Variants in LARS1 observed in about 807,000 individuals in gnomAD.
LARS1 encodes leucine--tRNA ligase, cytoplasmic.
In LARS1, 100 loss-of-function variants were observed where a neutral mutation model predicts 162.8. That is an observed-to-expected ratio of 0.61 (90% confidence interval 0.52 to 0.73). The LOEUF (loss-of-function observed/expected upper bound fraction) is 0.73, where lower values mean the gene tolerates loss of function less well. LARS1 is among the 30% of genes least tolerant of loss of function. The pLI is 0.00. For synonymous variants in LARS1, 457 were observed against 462.8 expected, an observed-to-expected ratio of 0.99 and a Z score of 0.16; for missense variants, 1,258 against 1,408.9, an observed-to-expected ratio of 0.89 and a Z score of 1.71.
In LARS1 at chr5:146,130,035, A is replaced by G. The variant is rs1310104386; in HGVS notation, c.2611T>C (p.Trp871Arg). Residue 871 changes from tryptophan to arginine, a missense_variant, in exon 25 of 32, where the codon TGG becomes CGG. Trp to Arg is a moderately radical substitution (Grantham distance 101). Transcript: ENST00000394434. Reference sequence around the variant, plus strand: ...GAAGGTACCTTTCCCAGGAGTGTCCAGATGTGCTCACACAAATGTGGACAG... The same window carrying G: ...GAAGGTACCTTTCCCAGGAGTGTCCGGATGTGCTCACACAAATGTGGACAG... ...PFCPHLCEHIWTLLGKPDSIM... is the reference protein window; with the variant it reads ...PFCPHLCEHIRTLLGKPDSIM... The G allele has an allele frequency of 6.2e-7, 1 of 1,612,910 alleles. No homozygotes were observed. Among genetic ancestry groups the G allele is most frequent in the Non-Finnish European group, 8.5e-7 (1 of 1,179,646 alleles).
intron 20 of LARS1, among the ~76,000 whole-genome samples, chr5:146,141,200 T>C (rs1015273305): frequency 1.3e-5 from 2 of 152,228 alleles, no homozygotes; most frequent in Non-Finnish European, 2.9e-5. Context: ...TCTCTGGGTT[T>C]GCATACTTGT....
intron 10 of LARS1, among the ~76,000 whole-genome samples, chr5:146,155,571 C>T (rs1008219711): frequency 1.3e-5 from 2 of 152,208 alleles, no homozygotes; most frequent in Non-Finnish European, 2.9e-5. Flanking sequence ...TTTGCAGCTT[C>T]TTGCTCTAGC....
chr5:146,155,860 G>A (rs1377007327), intron 10 of LARS1, among the ~76,000 whole-genome samples: 2 of 152,132 alleles, frequency 1.3e-5, no homozygotes, highest in African/African-American at 4.8e-5. Flanking sequence ...TCCAACATTA[G>A]GAACTAAAGA....
intron 1 of LARS1, 67 bp downstream of exon 1, chr5:146,182,421 G>T: frequency 6.3e-7 from 1 of 1,599,620 alleles, no homozygotes; most frequent in Non-Finnish European, 8.6e-7. Flanking sequence ...GACAGCACAT[G>T]GAGAGCCCCT....
rs1753255937 is a variant in LARS1, at chr5:146,150,942, G to GATAGACACAC, written c.1425+919_1425+920insGTGTGTCTAT. 2.2e-5 allele frequency among the ~76,000 whole-genome samples: 3 copies of GATAGACACAC among 134,902 alleles called. No individual in the cohort carries two copies. The Admixed American group carries it at 2.3e-4, about 10-fold the overall frequency. 88.5% of individuals were successfully genotyped at this position (134,902 alleles called of 152,430 possible). A position where few individuals can be genotyped will look rare whatever the true frequency, so the allele number is the denominator to read the frequency against. The stretch of plus-strand genomic sequence containing the variant: ...AGACAGAGCAAGACTCCGTCAGATA[G>GATAGACACAC]ACACACACACACACACACACACACA... On this transcript the variant is annotated intron_variant, in intron 14 of 31. Coordinates refer to ENST00000394434, the MANE Select transcript of LARS1 (RefSeq NM_020117.11).
intron 28 of LARS1, among the ~76,000 whole-genome samples, chr5:146,124,529 A>C (rs1751965796): frequency 6.6e-6 from 1 of 151,928 alleles, no homozygotes; most frequent in South Asian, 2.1e-4. Context: ...ATAGTGAATT[A>C]ATAATATCCA....
intron 4 of LARS1, among the ~76,000 whole-genome samples, chr5:146,169,574 ATT>A (rs1198950220): frequency 6.6e-6 from 1 of 151,512 alleles, no homozygotes; most frequent in East Asian, 1.9e-4. Context: ...TTGAGATGGA[ATT>A]TTACTCTTGT....
At chr5:146,129,898 G>C in intron 25 of LARS1, 120 bp downstream of exon 25, 1 of 991,582 alleles carries the variant, frequency 1.0e-6, no homozygotes, top group Non-Finnish European at 1.5e-6. Flanking sequence ...GCTGAATCCA[G>C]CATTACTCTT....
chr5:146,167,775 C>T lies in LARS1; in HGVS notation c.432+353G>A, dbSNP rs1191055717. The stretch of plus-strand genomic sequence containing the variant: ...CGATCTCCTGACCTCATGATCCGCC[C>T]GCCTCGGCCTCCCCAAGTGCTGGGA... On this transcript the variant is annotated intron_variant, in intron 5 of 31. Transcript: ENST00000394434. Among the ~76,000 whole-genome samples, 250 of 138,166 alleles carry T rather than the reference C, an allele frequency of 1.8e-3. 2 individuals are homozygous for T. Among genetic ancestry groups the T allele is most frequent in the Non-Finnish European group, 3.8e-4 (24 of 63,676 alleles). The allele number at this position is 138,166 out of a possible 152,430, so 90.6% of individuals were successfully genotyped here.
At chr5:146,162,248 T>C (rs1463232611) in intron 6 of LARS1, among the ~76,000 whole-genome samples, 10 of 152,378 alleles carry the variant, frequency 6.6e-5, no homozygotes, top group Middle Eastern at 6.8e-3. Flanking sequence ...TATAGCCTTA[T>C]AAAATGTATC....
At chr5:146,132,307 G>GA (rs375317395) in intron 23 of LARS1, 4,057 of 142,502 alleles carry the variant, frequency 0.028, 157 homozygotes, top group African/African-American at 0.091. Flanking sequence ...TCTGTCTCAG[G>GA]AAAAAAAAAA....
intron 15 of LARS1, among the ~76,000 whole-genome samples, chr5:146,147,170 A>G (rs888607471): frequency 6.6e-5 from 10 of 152,204 alleles, no homozygotes; most frequent in African/African-American, 2.4e-4. Flanking sequence ...AGTCCTACCC[A>G]TAAGCAAAAA....
intron 6 of LARS1, among the ~76,000 whole-genome samples, chr5:146,162,402 CA>C (rs1753816152): frequency 6.6e-6 from 1 of 152,058 alleles, no homozygotes; most frequent in African/African-American, 2.4e-5. Context: ...TGTCAATGAA[CA>C]GTAATATTTT....
At chr5:146,180,364 C>A (rs929764834) in intron 1 of LARS1, among the ~76,000 whole-genome samples, 2 of 152,100 alleles carry the variant, frequency 1.3e-5, no homozygotes, top group African/African-American at 4.8e-5. Context: ...GAAACCACAA[C>A]TATACCAAAA....
In LARS1 at chr5:146,123,249, G is replaced by C. The variant is rs191940275; in HGVS notation, c.3097-662C>G. Among the ~76,000 whole-genome samples, 8 of 151,724 alleles carry C rather than the reference G, an allele frequency of 5.3e-5. No individual in the cohort carries two copies. In the East Asian group the frequency reaches 1.2e-3, roughly 22 times the overall value. On this transcript the variant is annotated intron_variant, in intron 29 of 31. Coordinates refer to ENST00000394434, the MANE Select transcript of LARS1 (RefSeq NM_020117.11). The stretch of plus-strand genomic sequence containing the variant: ...TACTTGAGTGTCTTCATTATTACTA[G>C]GACCACTTTTTGAGTGCTCTAACAG...
Position 146,168,152 on chromosome 5 carries a change from A to T in LARS1, c.408T>A (p.Ile136=), listed in dbSNP as rs1257133229. Residue 136 remains isoleucine, a synonymous_variant, in exon 5 of 32, where the codon ATT becomes ATA. Coordinates refer to ENST00000394434, the MANE Select transcript of LARS1 (RefSeq NM_020117.11). ...CCTTTTTTCCTTTAGCTTTATCCTTAATTATTATATCTTCTGTTTTAACAC... is the reference window on the plus strand; with the variant it reads ...CCTTTTTTCCTTTAGCTTTATCCTTTATTATTATATCTTCTGTTTTAACAC... ...ETSVKTEDII[I]KDKAKGKKSK... The T allele has an allele frequency of 4.4e-6, 7 of 1,606,978 alleles. No homozygotes were observed. Among genetic ancestry groups the T allele is most frequent in the Non-Finnish European group, 6.0e-6 (7 of 1,175,376 alleles).
chr5:146,176,540 G>GT (rs1368325004), intron 2 of LARS1, among the ~76,000 whole-genome samples: 1 of 151,490 alleles, frequency 6.6e-6, no homozygotes, highest in African/African-American at 2.4e-5. Context: ...CTAGCACACA[G>GT]TAAGTGTTCA....
chr5:146,165,865 A>T (rs1244921051), intron 5 of LARS1, among the ~76,000 whole-genome samples: 1 of 152,212 alleles, frequency 6.6e-6, no homozygotes, highest in Non-Finnish European at 1.5e-5. Context: ...ATAGGTAATG[A>T]GAGCCAAGTT....
intron 5 of LARS1, among the ~76,000 whole-genome samples, chr5:146,165,576 A>T (rs1046497659): frequency 4.5e-4 from 69 of 152,248 alleles, no homozygotes; most frequent in South Asian, 1.2e-3. Context: ...GTAAATTTTT[A>T]AAAAATTCAA....
Sources: allele counts gnomAD v4.1 joint callset (sites outside exome capture counted in the v4.1 genomes callset), GRCh38; gene constraint gnomAD v4.1.1; transcripts MANE v1.5; gene names NCBI Gene and HGNC (gene_info 2026-07-23, HGNC 2026-07-21).